Variants in ZNF565 observed in about 807,000 individuals in gnomAD.
The protein encoded by ZNF565 is zinc finger protein 565.
Under a neutral mutation model 39.4 loss-of-function variants are expected in ZNF565, and 27 were observed. That is an observed-to-expected ratio of 0.69 (90% confidence interval 0.51 to 0.95). ZNF565 has a LOEUF of 0.95. Among genes scored for constraint, ZNF565 ranks in the 40% least tolerant of loss-of-function variants. The pLI, the probability that ZNF565 is intolerant of heterozygous loss-of-function variation, is 0.00. For synonymous variants in ZNF565, 185 were observed against 216.6 expected (o/e 0.85, Z 1.28); for missense variants, 524 against 621.1 (o/e 0.84, Z 1.66).
At chr19:36,185,824 G>A (rs753067998) in intron 4 of ZNF565, among the ~76,000 whole-genome samples, 22 of 150,336 alleles carry the variant, frequency 1.5e-4, no homozygotes, top group Non-Finnish European at 2.8e-4. Flanking sequence ...CTCCCGAGTA[G>A]CTGGGATTAT....
intron 1 of ZNF565, among the ~76,000 whole-genome samples, chr19:36,229,390 G>A (rs7248820): frequency 0.028 from 4,230 of 152,112 alleles, 167 homozygotes; most frequent in African/African-American, 0.095. Flanking sequence ...TATGTGTGGG[G>A]GTCTATATGT....
chr19:36,235,106 G>A (rs1977590456), intron 1 of ZNF565, among the ~76,000 whole-genome samples: 1 of 151,450 alleles, frequency 6.6e-6, no homozygotes, highest in Admixed American at 6.6e-5. Context: ...TTACTCAGGA[G>A]GCTGAGGCTA....
chr19:36,191,415 C>T (rs1975538308), intron 4 of ZNF565, among the ~76,000 whole-genome samples: 1 of 150,166 alleles, frequency 6.7e-6, no homozygotes, highest in South Asian at 2.1e-4. Flanking sequence ...GCCTCCTGAA[C>T]CATTTTTCAA....
upstream of ZNF565, among the ~76,000 whole-genome samples, chr19:36,218,949 C>T (rs2432041): frequency 0.021 from 3,233 of 151,520 alleles, 344 homozygotes; most frequent in East Asian, 0.34. Context: ...GCTGGGACTA[C>T]GGGCGCCCAC....
At chr19:36,208,205 ATTTTTTT>A (rs11307687) in intron 1 of ZNF565, among the ~76,000 whole-genome samples, 1 of 136,012 alleles carries the variant, frequency 7.4e-6, no homozygotes, top group Non-Finnish European at 1.6e-5. Flanking sequence ...TTACAGGACA[ATTTTTTT>A]TTTTTTTTTT....
Position 36,245,299 on chromosome 19 carries a change from G to A in ZNF565, c.55+177C>T, listed in dbSNP as rs1185794943. On this transcript the variant is annotated intron_variant, in intron 1 of 4. Coordinates refer to the ZNF565 transcript ENST00000355114. The surrounding 1 kb of genome is among the most constrained non-coding windows in gnomAD (Gnocchi z 4.4). ...GTGCACCAACTCGCGCCTAGAGGGC[G>A]TGTATGACCCCAGCTCAGTTCTAAG... 6.6e-6 allele frequency among the ~76,000 whole-genome samples: 1 copy of A among 152,196 alleles called. No individual in the cohort carries two copies. Among genetic ancestry groups the A allele is most frequent in the Non-Finnish European group, 1.5e-5 (1 of 68,028 alleles).
chr19:36,189,021 A>T (rs1362136976), intron 4 of ZNF565, among the ~76,000 whole-genome samples: 1 of 152,154 alleles, frequency 6.6e-6, no homozygotes, highest in Admixed American at 6.6e-5. Flanking sequence ...CAGGGACTGG[A>T]GGAAGGAAAA....
intron 1 of ZNF565, among the ~76,000 whole-genome samples, chr19:36,233,712 TAA>T (rs923411298): frequency 2.0e-5 from 3 of 152,318 alleles, no homozygotes; most frequent in Admixed American, 6.5e-5. Flanking sequence ...CTCAATGCCT[TAA>T]AGAGCAGTGT....
intron 1 of ZNF565, among the ~76,000 whole-genome samples, chr19:36,244,407 G>A (rs1977846364): frequency 6.6e-6 from 1 of 152,144 alleles, no homozygotes; most frequent in Non-Finnish European, 1.5e-5. Context: ...AATTATCTGG[G>A]CGTGGTGGTG....
rs2029894848 is a variant in ZNF565 at position 36,245,756 on chromosome 19, C to G, written c.-226G>C. The G allele has an allele frequency of 1.9e-6, 1 of 524,586 alleles. No homozygotes were observed. Among genetic ancestry groups the G allele is most frequent in the Non-Finnish European group, 3.4e-6 (1 of 296,352 alleles). 32.5% of individuals were successfully genotyped at this position (524,586 alleles called of 1,614,324 possible). On this transcript the variant is annotated 5_prime_UTR_variant, in exon 1 of 5. Coordinates refer to the ZNF565 transcript ENST00000355114. The surrounding 1 kb of genome is among the most constrained non-coding windows in gnomAD (Gnocchi z 4.4). ...GCTCCGTCCACGGTTGTCGGGGTCCCGGGCTGCTTTTCTTGGAGGGCTCGG... is the reference window on the plus strand; with the variant it reads ...GCTCCGTCCACGGTTGTCGGGGTCCGGGGCTGCTTTTCTTGGAGGGCTCGG...
intron 1 of ZNF565, chr19:36,228,511 A>G (rs1977182154): frequency 1.3e-5 from 2 of 152,192 alleles, no homozygotes; most frequent in Admixed American, 6.5e-5. Flanking sequence ...TAGACTTTAA[A>G]TGGTTTAATG....
rs896759366 is a variant in ZNF565 at position 36,222,696 on chromosome 19, A to G, written c.56-20646T>C. Among the ~76,000 whole-genome samples the G allele has an allele frequency of 5.4e-5, 8 of 148,564 alleles. 1 individual carries two copies. The highest frequency in any genetic ancestry group is 4.5e-5 in the Non-Finnish European group (3 of 67,338). Reference sequence around the variant, plus strand: ...GGAACTGTCTATTCATATCCTTTTCACCATTTTTCTATGGGGTGTCTTCTC... The same window carrying G: ...GGAACTGTCTATTCATATCCTTTTCGCCATTTTTCTATGGGGTGTCTTCTC... On this transcript the variant is annotated intron_variant, in intron 1 of 4. Transcript: ENST00000355114.
At chr19:36,203,052 C>G (rs1027587449) in intron 1 of ZNF565, among the ~76,000 whole-genome samples, 2 of 151,920 alleles carry the variant, frequency 1.3e-5, no homozygotes, top group Admixed American at 6.6e-5. Flanking sequence ...TAAAACTAGA[C>G]AGCTGGGCAC....
At chr19:36,212,450 G>A (rs1291635192) in intron 1 of ZNF565, among the ~76,000 whole-genome samples, 7 of 151,790 alleles carry the variant, frequency 4.6e-5, no homozygotes, top group South Asian at 2.1e-4. Context: ...CCCTCCCCCC[G>A]TCTCTACTAA....
intron 1 of ZNF565, among the ~76,000 whole-genome samples, chr19:36,211,801 C>CAA (rs142335068): frequency 9.5e-5 from 13 of 136,714 alleles, no homozygotes; most frequent in African/African-American, 3.3e-4. Context: ...TCAAAAAAAA[C>CAA]AAAAAAAAAA....
Position 36,199,285 on chromosome 19 carries a change from A to G in ZNF565, c.9+2692T>C, listed in dbSNP as rs116227749. Among the ~76,000 whole-genome samples, 401 of 152,114 alleles carry G rather than the reference A, an allele frequency of 2.6e-3. 3 individuals carry two copies. The highest frequency in any genetic ancestry group is 8.9e-3 in the African/African-American group (371 of 41,508). On this transcript the variant is annotated intron_variant, in intron 2 of 4. Coordinates refer to ENST00000304116, the MANE Select transcript of ZNF565 (RefSeq NM_152477.5). ...CATTTTATGGTTATTCATCTCATAC[A>G]TATCCTTGCAAGACTGAAGAGTGTT...
At chr19:36,182,209 T>A (rs1975111281), downstream of ZNF565, 1 of 371,246 alleles carries the variant, frequency 2.7e-6, no homozygotes, top group Admixed American at 4.2e-5. Flanking sequence ...TTTAACATAT[T>A]TTGAATGGCA....
chr19:36,237,531 G>T, intron 1 of ZNF565: 1 of 455,566 alleles, frequency 2.2e-6, no homozygotes. Flanking sequence ...CTGCAGCAGA[G>T]ATAATGGTGA....
chr19:36,212,427 C>A (rs1976393977), intron 1 of ZNF565, among the ~76,000 whole-genome samples: 1 of 152,080 alleles, frequency 6.6e-6, no homozygotes. Context: ...GTCTGGCCAA[C>A]ATGGTGAAAC....
Sources: gnomAD v4.1 joint callset for allele counts (sites outside exome capture counted in the v4.1 genomes callset) on GRCh38, gnomAD v4.1.1 for gene constraint, Gnocchi (gnomAD v3.1) non-coding constraint, MANE v1.5 for transcripts, NCBI Gene and HGNC (gene_info 2026-07-23, HGNC 2026-07-21) for gene names.